The following ADGRG6 variants were observed in gnomAD, a reference collection of about 807,000 sequenced individuals.
ADGRG6 encodes adhesion G protein-coupled receptor G6, also known as G-protein coupled receptor 126.
In ADGRG6, 84 loss-of-function variants were observed where a neutral mutation model predicts 142.4. That is an observed-to-expected ratio of 0.59 (90% CI 0.49 to 0.71). ADGRG6 has a LOEUF of 0.71. ADGRG6 is among the 30% of genes least tolerant of loss of function. The pLI, the probability that ADGRG6 is intolerant of heterozygous loss-of-function variation, is 0.00. For synonymous variants in ADGRG6, 521 were observed against 520.5 expected, an observed-to-expected ratio of 1.00 and a Z score of -0.01; for missense variants, 1,367 against 1,466.6, an observed-to-expected ratio of 0.93 and a Z score of 1.11.
chr6:142,322,714 C>T lies in ADGRG6; in HGVS notation c.103+13070C>T, dbSNP rs533909529. On this transcript the variant is annotated intron_variant, in intron 2 of 24. Coordinates refer to ENST00000367609, the MANE Select transcript of ADGRG6 (RefSeq NM_198569.3). ...ACCATAATAAAAAGTAGAGATAAAA[C>T]ATGGGTGACTCAGGAAAGCTCACTT... 2.0e-5 allele frequency among the ~76,000 whole-genome samples: 3 copies of T among 152,204 alleles called. No homozygotes were observed. The East Asian group carries it at 5.8e-4, about 29-fold the overall frequency.
At chr6:142,353,804 C>T (rs1157126351) in intron 2 of ADGRG6, among the ~76,000 whole-genome samples, 1 of 152,108 alleles carries the variant, frequency 6.6e-6, no homozygotes, top group Non-Finnish European at 1.5e-5. Context: ...AAGGCTGTAC[C>T]TAAAAATGAC....
chr6:142,365,456 T>C lies in ADGRG6; in HGVS notation c.104-2113T>C, dbSNP rs142025808. Among the ~76,000 whole-genome samples the C allele has an allele frequency of 3.6e-3, 546 of 152,216 alleles. 2 individuals carry two copies. Among genetic ancestry groups the C allele is most frequent in the Non-Finnish European group, 5.6e-3 (379 of 68,006 alleles). ...GTGCTGGAGAGTAGAATGGCAAATA[T>C]GACAGTCACACACCCTCTGCTTGTT... On this transcript the variant is annotated intron_variant, in intron 2 of 24. Coordinates refer to ENST00000367609, the MANE Select transcript of ADGRG6 (RefSeq NM_198569.3).
chr6:142,441,069 C>G, intron 24 of ADGRG6: 1 of 566,712 alleles, frequency 1.8e-6, no homozygotes, highest in East Asian at 3.3e-5. Flanking sequence ...TTCTTTTCAG[C>G]TAGCACAATG....
chr6:142,336,974 C>T (rs988692605), intron 2 of ADGRG6, among the ~76,000 whole-genome samples: 19 of 152,154 alleles, frequency 1.2e-4, no homozygotes, highest in African/African-American at 4.3e-4. Flanking sequence ...AGTGAGAGAG[C>T]TAAAGTGTGG....
intron 22 of ADGRG6, among the ~76,000 whole-genome samples, chr6:142,432,224 C>G (rs1777249107): frequency 6.6e-6 from 1 of 152,122 alleles, no homozygotes; most frequent in South Asian, 2.1e-4. Context: ...GTTACAGATC[C>G]AGATGCCTGC....
At position 142,437,506 on chromosome 6, in the gene ADGRG6, G is replaced by A. The variant is rs1035960358; in HGVS notation, c.3392G>A (p.Cys1131Tyr). The change falls in exon 23 of 25, where the codon TGT (cysteine) becomes TAT (tyrosine). Residue 1131 changes from cysteine to tyrosine, a missense_variant. Around this residue, in one of 3 missense-constraint regions of ADGRG6, gnomAD observed 344 missense variants for 348.7 expected, o/e 0.99. Transcript: ENST00000367609. ...AAACAGTGGCGGCAGCATCTCTGCT[G>A]TGGTAGATTTCGGTTAGCAGATAAC... ...VQKQWRQHLCCGRFRLADNSD... is the reference protein window; with the variant it reads ...VQKQWRQHLCYGRFRLADNSD... 3 of 1,556,680 alleles carry A rather than the reference G, an allele frequency of 1.9e-6. No individual in the cohort carries two copies. Among genetic ancestry groups the A allele is most frequent in the Non-Finnish European group, 2.7e-6 (3 of 1,127,614 alleles).
At chr6:142,345,862 C>T (rs899813709) in intron 2 of ADGRG6, among the ~76,000 whole-genome samples, 1 of 152,084 alleles carries the variant, frequency 6.6e-6, no homozygotes, top group Non-Finnish European at 1.5e-5. Flanking sequence ...TTCTAGTAAT[C>T]CATTAAATTA....
rs1227035353 is a variant in ADGRG6, at chr6:142,431,308, A to C, written c.3320-6126A>C. Among the ~76,000 whole-genome samples, 9 of 152,140 alleles carry C rather than the reference A, an allele frequency of 5.9e-5. No individual in the cohort carries two copies. The East Asian group carries it at 1.7e-3, about 29-fold the overall frequency. On this transcript the variant is annotated intron_variant, in intron 22 of 24. Transcript: ENST00000367609. ...AGCTGAAGAAACTTAATTCTAAGGA[A>C]TTTTGGCTTGGATTCTCCAGAGTGG... is the stretch of plus-strand genomic sequence containing the variant.
At chr6:142,322,072 T>C (rs1015110825) in intron 2 of ADGRG6, among the ~76,000 whole-genome samples, 4 of 152,122 alleles carry the variant, frequency 2.6e-5, no homozygotes, top group African/African-American at 9.7e-5. Flanking sequence ...ATTAGTTATG[T>C]TTATTCAGTA....
chr6:142,318,033 A>T (rs1293687568), intron 2 of ADGRG6, among the ~76,000 whole-genome samples: 3 of 36,876 alleles, frequency 8.1e-5, no homozygotes, highest in Admixed American at 5.6e-4. Flanking sequence ...TATTATATAT[A>T]ATATATATTT....
At position 142,302,135 on chromosome 6, in the gene ADGRG6, G is replaced by A. The variant is rs1055262040; in HGVS notation, c.-195G>A. On this transcript the variant is annotated 5_prime_UTR_variant, in exon 1 of 25. Coordinates refer to ENST00000367609, the MANE Select transcript of ADGRG6 (RefSeq NM_198569.3). The stretch of plus-strand genomic sequence containing the variant: ...CTCGTCCGCAGGCCCTGCGCTGAAC[G>A]CTGCCGCGCCCAGGGTTCACCTTGC... 14 of 594,186 alleles carry A rather than the reference G, an allele frequency of 2.4e-5. No individual in the cohort carries two copies. The highest frequency in any genetic ancestry group is 4.1e-5 in the Non-Finnish European group (14 of 341,178). The allele number at this position is 594,186 out of a possible 1,614,324, so 36.8% of individuals were successfully genotyped here.
At chr6:142,324,015 GTCT>G (rs1778642595) in intron 2 of ADGRG6, among the ~76,000 whole-genome samples, 2 of 151,920 alleles carry the variant, frequency 1.3e-5, no homozygotes, top group South Asian at 4.1e-4. Context: ...GCTTTTTCCT[GTCT>G]TCAGTGTGTT....
rs375808235 is a variant in ADGRG6 at position 142,392,989 on chromosome 6, C to T, written c.1350C>T (p.Val450=). 19 of 1,547,354 alleles carry T rather than the reference C, an allele frequency of 1.2e-5. No homozygotes were observed. The highest frequency in any genetic ancestry group is 1.7e-5 in the Admixed American group (1 of 59,496). ...AAAATTGGAACTACACGGTTTATGT[C>T]GTTAATATCAGGTAAGACAGAATAA... ...TFQNWNYTVY[V]VNISFHLSAG... Residue 450 remains valine (V), a synonymous_variant, in exon 8 of 25, where the codon GTC becomes GTT. Transcript: ENST00000367609.
In ADGRG6 at chr6:142,402,053, G is replaced by A; in HGVS notation, c.1739G>A (p.Cys580Tyr). Residue 580 changes from cysteine to tyrosine, a missense_variant, in exon 12 of 25, where the codon TGT becomes TAT. Transcript: ENST00000367609. ...TGGGGACCTGTTGATATCTCCAACT[G>A]TTTAAGTAAGTGAGCAGTTTTCCTT... ...TYWGPVDISN[C>Y]LKEANEVANQ... is the part of the protein sequence containing the mutation. The A allele has an allele frequency of 6.6e-7, 1 of 1,510,220 alleles. No individual in the cohort carries two copies. 93.6% of individuals were successfully genotyped at this position (1,510,220 alleles called of 1,614,324 possible). A position where few individuals can be genotyped will look rare whatever the true frequency, so the allele number is the denominator to read the frequency against.
intron 6 of ADGRG6, among the ~76,000 whole-genome samples, chr6:142,388,663 A>C (rs1281513201): frequency 6.6e-6 from 1 of 152,086 alleles, no homozygotes; most frequent in Non-Finnish European, 1.5e-5. Flanking sequence ...TTTTATAATA[A>C]AGTGTTGAAT....
At position 142,438,339 on chromosome 6, in the gene ADGRG6, C is replaced by G. The variant is rs2115197012; in HGVS notation, c.3549C>G (p.Thr1183=). 1 of 1,608,790 alleles carries G rather than the reference C, an allele frequency of 6.2e-7. No homozygotes were observed. The highest frequency in any genetic ancestry group is 1.7e-4 in the Middle Eastern group (1 of 6,048). The part of the protein sequence containing the change: ...LTSKSKSSST[T]YFKRNSHTDS... Reference sequence around the variant, plus strand: ...CCAAATCTAAATCCAGCTCTACCACCTATTTCAAAAGGAATAGCCACACAG... The same window carrying G: ...CCAAATCTAAATCCAGCTCTACCACGTATTTCAAAAGGAATAGCCACACAG... The change falls in exon 24 of 25, where the codon ACC becomes ACG. Residue 1183 remains threonine (T), a synonymous_variant. Transcript: ENST00000367609.
chr6:142,432,628 TAGGCAA>T (rs1383263723), intron 22 of ADGRG6, among the ~76,000 whole-genome samples: 1 of 152,156 alleles, frequency 6.6e-6, no homozygotes, highest in East Asian at 1.9e-4. Context: ...TACTTAAAAA[TAGGCAA>T]TGTCATTTAA....
chr6:142,333,675 G>A (rs1779176875), intron 2 of ADGRG6, among the ~76,000 whole-genome samples: 1 of 152,132 alleles, frequency 6.6e-6, no homozygotes, highest in Non-Finnish European at 1.5e-5. Context: ...GAGCTTCAAG[G>A]TCTGAGAATC....
chr6:142,376,221 A>G (rs1411855702), intron 4 of ADGRG6, among the ~76,000 whole-genome samples: 2 of 152,174 alleles, frequency 1.3e-5, no homozygotes, highest in Non-Finnish European at 2.9e-5. Flanking sequence ...AAGTTTAGAT[A>G]CTGGCTGATG....
Sources: gnomAD v4.1 joint callset for allele counts (sites outside exome capture counted in the v4.1 genomes callset) on GRCh38, gnomAD v4.1.1 for gene constraint, gnomAD v4.1.1 regional missense constraint, MANE v1.5 for transcripts, NCBI Gene and HGNC (gene_info 2026-07-23, HGNC 2026-07-21) for gene names.